CUX2: variants seen among roughly 807,000 people sequenced by gnomAD.
CUX2 encodes the protein homeobox protein cut-like 2.
A neutral mutation model predicts 144.8 loss-of-function variants in CUX2; 40 were observed. That is an observed-to-expected ratio of 0.28 (90% CI 0.21 to 0.36). The LOEUF is 0.36. Ranked by LOEUF, CUX2 falls within the 10% of genes least tolerant of loss-of-function variation. The pLI is 1.00. For missense variants in CUX2, 1,615 were observed against 1,994.0 expected, an observed-to-expected ratio of 0.81 and a Z score of 3.62; for synonymous variants, 827 against 875.6, an observed-to-expected ratio of 0.94 and a Z score of 0.98.
chr12:111,218,015 G>T (rs1209112503), intron 3 of CUX2, 78 bp downstream of exon 3: 1 of 1,513,446 alleles, frequency 6.6e-7, no homozygotes, highest in Non-Finnish European at 9.2e-7. Context: ...AGTTGCCCAG[G>T]GGGGCCAGCA....
chr12:111,232,244 A>G (rs1473590477), intron 3 of CUX2, among the ~76,000 whole-genome samples: 1 of 151,376 alleles, frequency 6.6e-6, no homozygotes, highest in African/African-American at 2.4e-5. Context: ...GGTTGGGCAC[A>G]ATGGTTCACA....
At chr12:111,271,152 A>G (rs1249556917) in intron 4 of CUX2, among the ~76,000 whole-genome samples, 1 of 152,228 alleles carries the variant, frequency 6.6e-6, no homozygotes, top group African/African-American at 2.4e-5. Flanking sequence ...TTGGATAAGC[A>G]GTGGTGCAGG....
intron 4 of CUX2, among the ~76,000 whole-genome samples, chr12:111,275,821 T>G (rs1476775130): frequency 6.6e-6 from 1 of 151,984 alleles, no homozygotes; most frequent in Non-Finnish European, 1.5e-5. Context: ...CTTCAACACC[T>G]CCACGCCACC....
At chr12:111,055,894 G>A (rs1870500038) in intron 1 of CUX2, among the ~76,000 whole-genome samples, 1 of 152,256 alleles carries the variant, frequency 6.6e-6, no homozygotes, top group Non-Finnish European at 1.5e-5. Flanking sequence ...TTCGCTGGGA[G>A]TCGGGCTGAT....
intron 2 of CUX2, 47 bp from the exon 3 acceptor site, chr12:111,217,843 C>A (rs761040330): frequency 1.3e-6 from 2 of 1,596,098 alleles, no homozygotes; most frequent in African/African-American, 2.7e-5. Context: ...GCCACGGGGG[C>A]GTCCCACCTG....
chr12:111,211,077 C>G (rs531341605), intron 1 of CUX2, among the ~76,000 whole-genome samples: 3 of 152,282 alleles, frequency 2.0e-5, no homozygotes, highest in African/African-American at 7.2e-5. Context: ...ATGTTAGGAG[C>G]TTAGCATAGT....
At chr12:111,089,914 A>C (rs905609050) in intron 1 of CUX2, among the ~76,000 whole-genome samples, 4 of 152,126 alleles carry the variant, frequency 2.6e-5, no homozygotes. Flanking sequence ...GCAGATAAGG[A>C]GTTTGGACTA....
intron 16 of CUX2, among the ~76,000 whole-genome samples, chr12:111,316,599 G>T (rs1039972276): frequency 1.3e-5 from 2 of 151,422 alleles, no homozygotes; most frequent in Non-Finnish European, 2.9e-5. Flanking sequence ...ACAGGTGCGT[G>T]CCACCACGCC....
chr12:111,097,699 G>A lies in CUX2; in HGVS notation c.63+63459G>A, dbSNP rs376533223. Reference sequence around the variant, plus strand: ...TTTCTCACAGCAGCAGGTCCTGCTCGGCAAGCGAGGCGCTCAGAGTCAGGA... The same window carrying A: ...TTTCTCACAGCAGCAGGTCCTGCTCAGCAAGCGAGGCGCTCAGAGTCAGGA... On this transcript the variant is annotated intron_variant, in intron 1 of 21. Transcript: ENST00000261726. 3.6e-3 allele frequency among the ~76,000 whole-genome samples: 551 copies of A among 152,288 alleles called. 6 individuals carry two copies. Among genetic ancestry groups the A allele is most frequent in the African/African-American group, 0.013 (520 of 41,544 alleles).
chr12:111,183,968 C>T (rs1879352626), intron 1 of CUX2, among the ~76,000 whole-genome samples: 1 of 152,204 alleles, frequency 6.6e-6, no homozygotes, highest in African/African-American at 2.4e-5. Context: ...CCTATTGCCA[C>T]CCTCTTCTGG....
chr12:111,221,278 C>T (rs1251120909), intron 3 of CUX2, among the ~76,000 whole-genome samples: 3 of 152,196 alleles, frequency 2.0e-5, no homozygotes, highest in Non-Finnish European at 2.9e-5. Context: ...ATTGTGGCCT[C>T]TGTGTCCTCC....
At chr12:111,318,548 G>A (rs1393164610) in intron 16 of CUX2, among the ~76,000 whole-genome samples, 4 of 147,690 alleles carry the variant, frequency 2.7e-5, no homozygotes, top group South Asian at 4.4e-4. Context: ...ACCTGAGATC[G>A]AGCCACTGCA....
rs1056239639 is a variant in CUX2 at position 111,348,288 on chromosome 12, C to T, written c.4424C>T (p.Ala1475Val). The part of the protein sequence containing the change: ...LNNIIYRVER[A>V]ANREEALEWE... ...AACATCATTTACCGAGTAGAGCGGG[C>T]TGCCAATCGGGAGGAGGCCCTGGAG... The change falls in exon 22 of 22, where the codon GCT becomes GTT. Residue 1475 changes from alanine (A) to valine (V), a missense_variant. Around this residue, in one of 12 missense-constraint regions of CUX2, gnomAD observed 298 missense variants for 330.4 expected, o/e 0.90. Coordinates refer to ENST00000261726, the MANE Select transcript of CUX2 (RefSeq NM_015267.4). The T allele has an allele frequency of 6.2e-7, 1 of 1,613,102 alleles. No individual in the cohort carries two copies. Among genetic ancestry groups the T allele is most frequent in the Admixed American group, 1.7e-5 (1 of 60,022 alleles).
intron 3 of CUX2, among the ~76,000 whole-genome samples, chr12:111,239,763 G>A (rs1251105565): frequency 1.3e-5 from 2 of 152,168 alleles, no homozygotes; most frequent in Admixed American, 1.3e-4. Context: ...GTGGGGGAAT[G>A]GCACCTGCCA....
chr12:111,290,998 G>T (rs1309966095), intron 4 of CUX2, among the ~76,000 whole-genome samples: 3 of 151,894 alleles, frequency 2.0e-5, no homozygotes, highest in Admixed American at 2.0e-4. Flanking sequence ...GAATAGCTGG[G>T]ACTACAAGCA....
chr12:111,297,858 G>T (rs1201951492), intron 8 of CUX2, among the ~76,000 whole-genome samples: 4 of 152,158 alleles, frequency 2.6e-5, no homozygotes, highest in Non-Finnish European at 5.9e-5. Flanking sequence ...ACAAAGGGAA[G>T]AACTGGGGAT....
At chr12:111,116,725 T>C (rs1874327805) in intron 1 of CUX2, among the ~76,000 whole-genome samples, 1 of 152,104 alleles carries the variant, frequency 6.6e-6, no homozygotes, top group Admixed American at 6.5e-5. Flanking sequence ...CTGGTTAATA[T>C]AAACAAAACA....
intron 1 of CUX2, among the ~76,000 whole-genome samples, chr12:111,053,717 T>C (rs973296432): frequency 6.6e-6 from 1 of 152,252 alleles, no homozygotes; most frequent in Non-Finnish European, 1.5e-5. Context: ...CCTGGGCTGC[T>C]TTCCATGTTT....
In CUX2 at chr12:111,061,086, GC is replaced by G. The variant is rs199542059; in HGVS notation, c.63+26848del. Among the ~76,000 whole-genome samples, 5,037 of 152,092 alleles carry G rather than the reference GC, an allele frequency of 0.033. 305 individuals are homozygous for G. The highest frequency in any genetic ancestry group is 0.12 in the African/African-American group (4,799 of 41,420). ...GCTTCCTTGGGGCTGTTCATGGGAG[GC>G]CTCCCCTCATGGCTGTGGCCCTGCA... On this transcript the variant is annotated intron_variant, in intron 1 of 21. Transcript: ENST00000261726. The surrounding 1 kb of genome is among the most constrained non-coding windows in gnomAD (Gnocchi z 4.2).
Sources: allele counts gnomAD v4.1 joint callset (sites outside exome capture counted in the v4.1 genomes callset), GRCh38; gene constraint gnomAD v4.1.1; regional missense constraint gnomAD v4.1.1; non-coding constraint Gnocchi (gnomAD v3.1); transcripts MANE v1.5; gene names NCBI Gene and HGNC (gene_info 2026-07-23, HGNC 2026-07-21).